The following CNTN5 variants were observed in gnomAD, a reference collection of about 807,000 sequenced individuals.
CNTN5 encodes the protein contactin-5.
In CNTN5, 77 loss-of-function variants were observed where a neutral mutation model predicts 129.1. That is an observed-to-expected ratio of 0.60 (90% CI 0.50 to 0.72). The LOEUF (loss-of-function observed/expected upper bound fraction) is 0.72, where lower values mean the gene tolerates loss of function less well. Ranked by LOEUF, CNTN5 falls within the 30% of genes least tolerant of loss-of-function variation. The probability of loss-of-function intolerance (pLI) is 0.00; values close to 1 mark genes in which losing one functional copy is unlikely to be tolerated. For missense variants in CNTN5, 1,478 were observed against 1,328.8 expected, an observed-to-expected ratio of 1.11 and a Z score of -1.75; for synonymous variants, 509 against 465.6, an observed-to-expected ratio of 1.09 and a Z score of -1.20.
intron 16 of CNTN5, among the ~76,000 whole-genome samples, chr11:100,230,747 G>A (rs1002368073): frequency 6.6e-5 from 10 of 152,122 alleles, no homozygotes; most frequent in South Asian, 6.2e-4. Flanking sequence ...TGATATCTCC[G>A]TCAACTGACT....
intron 1 of CNTN5, among the ~76,000 whole-genome samples, chr11:99,312,447 G>GT (rs1175252350): frequency 6.6e-6 from 1 of 152,118 alleles, no homozygotes; most frequent in Non-Finnish European, 1.5e-5. Flanking sequence ...CAATAATAGT[G>GT]TTTTACACAA....
At chr11:99,075,591 T>C (rs1375903423) in intron 1 of CNTN5, among the ~76,000 whole-genome samples, 1 of 152,210 alleles carries the variant, frequency 6.6e-6, no homozygotes, top group African/African-American at 2.4e-5. Flanking sequence ...ATTCTTTTTC[T>C]ATTATCAAAG....
At chr11:99,092,146 A>G (rs549681189) in intron 1 of CNTN5, among the ~76,000 whole-genome samples, 1 of 152,298 alleles carries the variant, frequency 6.6e-6, no homozygotes, top group African/African-American at 2.4e-5. Context: ...CTTAGTGCAG[A>G]CCTATCATAA....
At chr11:100,333,408 G>GAAAAAA (rs547220238) in intron 21 of CNTN5, among the ~76,000 whole-genome samples, 105 of 74,238 alleles carry the variant, frequency 1.4e-3, no homozygotes, top group African/African-American at 4.1e-3. Context: ...CACTGAATTA[G>GAAAAAA]AAAAAAAAAA....
intron 1 of CNTN5, among the ~76,000 whole-genome samples, chr11:99,070,739 A>G (rs1865308999): frequency 6.6e-6 from 1 of 151,782 alleles, no homozygotes. Context: ...TTTTTTTTCA[A>G]ATCCACTCTA....
chr11:99,516,772 C>G (rs1008694191), intron 2 of CNTN5, among the ~76,000 whole-genome samples: 3 of 152,106 alleles, frequency 2.0e-5, no homozygotes, highest in South Asian at 2.1e-4. Context: ...AATTCACTAT[C>G]ATGTGTAAAA....
chr11:100,055,966 T>G (rs1050195859), intron 9 of CNTN5, among the ~76,000 whole-genome samples: 10 of 151,592 alleles, frequency 6.6e-5, no homozygotes, highest in Non-Finnish European at 1.5e-4. Flanking sequence ...ATTTATGTAT[T>G]TTCTGTCTCC....
At chr11:99,542,364 C>G (rs1948147286) in intron 2 of CNTN5, among the ~76,000 whole-genome samples, 1 of 152,164 alleles carries the variant, frequency 6.6e-6, no homozygotes, top group South Asian at 2.1e-4. Flanking sequence ...GTTCTGTTCA[C>G]TACTTCTATG....
chr11:99,114,959 C>G (rs567149685), intron 1 of CNTN5, among the ~76,000 whole-genome samples: 1 of 152,258 alleles, frequency 6.6e-6, no homozygotes, highest in Admixed American at 6.5e-5. Flanking sequence ...AAAACTCTTA[C>G]GAAGGGGATT....
intron 17 of CNTN5, among the ~76,000 whole-genome samples, chr11:100,266,562 A>G (rs1950306506): frequency 6.6e-6 from 1 of 151,762 alleles, no homozygotes; most frequent in African/African-American, 2.4e-5. Context: ...AAATAATAAT[A>G]CCTTCAATTA....
chr11:100,255,672 T>G (rs1950050593), intron 16 of CNTN5, 88 bp from the exon 17 acceptor site: 2 of 1,134,964 alleles, frequency 1.8e-6, no homozygotes, highest in Non-Finnish European at 2.5e-6. Flanking sequence ...GATTACATAG[T>G]TGGATGTGCT....
At chr11:99,074,971 T>G (rs1023945232) in intron 1 of CNTN5, among the ~76,000 whole-genome samples, 1 of 152,210 alleles carries the variant, frequency 6.6e-6, no homozygotes. Flanking sequence ...TTGTAATCTT[T>G]TACTGCATAA....
intron 6 of CNTN5, among the ~76,000 whole-genome samples, chr11:99,847,994 C>T (rs1947754498): frequency 6.6e-6 from 1 of 152,150 alleles, no homozygotes; most frequent in African/African-American, 2.4e-5. Context: ...GGGCGGATCA[C>T]GAGTTCAGGA....
At chr11:99,957,238 C>G (rs1950827747) in intron 8 of CNTN5, among the ~76,000 whole-genome samples, 1 of 152,132 alleles carries the variant, frequency 6.6e-6, no homozygotes, top group African/African-American at 2.4e-5. Context: ...TAATGCTACT[C>G]TAATGCCAGA....
At chr11:100,104,276 G>A (rs1419764066) in intron 13 of CNTN5, among the ~76,000 whole-genome samples, 1 of 151,918 alleles carries the variant, frequency 6.6e-6, no homozygotes, top group African/African-American at 2.4e-5. Flanking sequence ...TATATTTTTA[G>A]TAGAGACAGG....
intron 6 of CNTN5, among the ~76,000 whole-genome samples, chr11:99,864,741 A>T (rs1047623196): frequency 6.6e-6 from 1 of 152,264 alleles, no homozygotes; most frequent in African/African-American, 2.4e-5. Context: ...GTTTTTGGGG[A>T]TTTGATATTG....
At chr11:100,229,060 G>A (rs568920072) in intron 16 of CNTN5, among the ~76,000 whole-genome samples, 1 of 152,238 alleles carries the variant, frequency 6.6e-6, no homozygotes, top group African/African-American at 2.4e-5. Flanking sequence ...AAGGAAGCTA[G>A]CGCTAACTAA....
chr11:99,509,330 A>ATT (rs1946747050), intron 2 of CNTN5, among the ~76,000 whole-genome samples: 1 of 152,176 alleles, frequency 6.6e-6, no homozygotes, highest in African/African-American at 2.4e-5. Flanking sequence ...GTACATGAAA[A>ATT]ATTCTCAAAA....
intron 2 of CNTN5, among the ~76,000 whole-genome samples, chr11:99,492,378 T>C (rs527924900): frequency 5.8e-4 from 88 of 152,314 alleles, no homozygotes; most frequent in Middle Eastern, 6.8e-3. Context: ...GCCTTTAAAC[T>C]GGAAGAATTT....
Sources: gnomAD v4.1 joint callset for allele counts (sites outside exome capture counted in the v4.1 genomes callset) on GRCh38, gnomAD v4.1.1 for gene constraint, MANE v1.5 for transcripts, NCBI Gene and HGNC (gene_info 2026-07-23, HGNC 2026-07-21) for gene names.